Variants in FAM118A observed in about 807,000 individuals in gnomAD.
FAM118A encodes SIR2 antiphage like 2, also known as protein FAM118A.
In FAM118A, 25 loss-of-function variants were observed where a neutral mutation model predicts 38.2. That is an observed-to-expected ratio of 0.65 (90% confidence interval 0.48 to 0.91). The LOEUF (loss-of-function observed/expected upper bound fraction) is 0.91, where lower values mean the gene tolerates loss of function less well. Among genes scored for constraint, FAM118A ranks in the 40% least tolerant of loss-of-function variants. The pLI is 0.00. For missense variants in FAM118A, 425 were observed against 463.3 expected (o/e 0.92, Z 0.76); for synonymous variants, 178 against 184.1 (o/e 0.97, Z 0.27).
In FAM118A at chr22:45,336,335, ATGC is replaced by A; in HGVS notation, c.979_981del (p.Cys327del). On this transcript the variant is annotated inframe_deletion, in exon 8 of 9. Transcript: ENST00000441876. ...TAAATTCTTCTCTTTTAGGTAATGC[ATGC>A]CAGGACTGTGCAAAGAGGAAGTTAG... 1 of 1,612,538 alleles carries A rather than the reference ATGC, an allele frequency of 6.2e-7. No homozygotes were observed. Among genetic ancestry groups the A allele is most frequent in the Non-Finnish European group, 8.5e-7 (1 of 1,179,134 alleles).
At chr22:45,328,472 TTACTAATA>T in intron 4 of FAM118A, 1 of 867,280 alleles carries the variant, frequency 1.2e-6, no homozygotes, top group Non-Finnish European at 2.0e-6. Context: ...TAGCAGTGAA[TTACTAATA>T]AAGTAGCCAG....
At position 45,310,013 on chromosome 22, in the gene FAM118A, C is replaced by A. The variant is rs1282889956; in HGVS notation, c.-180C>A. 2 of 152,074 alleles carry A rather than the reference C, an allele frequency of 1.3e-5. No individual in the cohort carries two copies. Among genetic ancestry groups the A allele is most frequent in the Non-Finnish European group, 2.9e-5 (2 of 67,926 alleles). 9.4% of individuals were successfully genotyped at this position (152,074 alleles called of 1,614,324 possible). On this transcript the variant is annotated 5_prime_UTR_variant, in exon 1 of 9. Transcript: ENST00000441876. ...CCGCTCTGGCTCCGACTCCGGCTCT[C>A]GCTCTCGCTTCTAGCCCGCGTGCCT...
chr22:45,327,347 G>A (rs924766560), intron 3 of FAM118A, among the ~76,000 whole-genome samples: 5 of 151,630 alleles, frequency 3.3e-5, no homozygotes, highest in African/African-American at 7.3e-5. Flanking sequence ...ACTGTGCAGC[G>A]CTCAGGGAAA....
intron 7 of FAM118A, 74 bp from the exon 8 acceptor site, chr22:45,336,254 G>A: frequency 8.2e-7 from 1 of 1,213,114 alleles, no homozygotes; most frequent in Middle Eastern, 1.9e-4. Context: ...GCTTCAGTAA[G>A]GTCACATTAT....
Position 45,337,914 on chromosome 22 carries a change from G to T in FAM118A, c.1054+1503G>T, listed in dbSNP as rs184282499. ...ATTCCCCCGGACTCCACTGTCTGAA[G>T]ACCAGGTTTCCTATGAAGAGGGTCT... On this transcript the variant is annotated intron_variant, in intron 8 of 8. Transcript: ENST00000441876. The T allele has an allele frequency of 5.5e-5, 54 of 985,328 alleles. No homozygotes were observed. In the African/African-American group the frequency reaches 8.9e-4, roughly 16 times the overall value. The allele number at this position is 985,328 out of a possible 1,614,324, so 61.0% of individuals were successfully genotyped here.
intron 6 of FAM118A, among the ~76,000 whole-genome samples, chr22:45,334,233 G>A (rs2085929015): frequency 6.6e-6 from 1 of 152,122 alleles, no homozygotes; most frequent in Non-Finnish European, 1.5e-5. Context: ...TAATAGCTGC[G>A]AGTTTGGCAT....
chr22:45,324,460 C>G (rs964582079), intron 3 of FAM118A, among the ~76,000 whole-genome samples: 1 of 152,114 alleles, frequency 6.6e-6, no homozygotes, highest in Non-Finnish European at 1.5e-5. Context: ...TCACATACAC[C>G]GCTTCTGTTT....
At chr22:45,322,144 G>C in intron 1 of FAM118A, 1 of 1,474,022 alleles carries the variant, frequency 6.8e-7, no homozygotes, top group Non-Finnish European at 9.1e-7. Context: ...GTCCCGTGTA[G>C]AACAGCGAGA....
chr22:45,331,926 A>G (rs1225446132), intron 5 of FAM118A, among the ~76,000 whole-genome samples: 1 of 152,138 alleles, frequency 6.6e-6, no homozygotes. Flanking sequence ...CCTCATTCGC[A>G]AAACCACCCC....
chr22:45,329,387 G>A lies in FAM118A; in HGVS notation c.523-1216G>A, dbSNP rs188166958. 6.5e-4 allele frequency: 99 copies of A among 152,310 alleles called. 1 individual carries two copies. The highest frequency in any genetic ancestry group is 1.0e-3 in the Admixed American group (16 of 15,296). The allele number at this position is 152,310 out of a possible 1,614,324, so 9.4% of individuals were successfully genotyped here. ...TTCCTGTATCTTGCCAACACATGGTGTTATTAAGAAACAAAATGAAATACA... is the reference window on the plus strand; with the variant it reads ...TTCCTGTATCTTGCCAACACATGGTATTATTAAGAAACAAAATGAAATACA... On this transcript the variant is annotated intron_variant, in intron 4 of 8. Transcript: ENST00000441876.
Position 45,330,659 on chromosome 22 carries a change from C to T in FAM118A, c.579C>T (p.Leu193=). 3 of 1,604,058 alleles carry T rather than the reference C, an allele frequency of 1.9e-6. No homozygotes were observed. The highest frequency in any genetic ancestry group is 2.5e-6 in the Non-Finnish European group (3 of 1,176,608). Residue 193 remains leucine, a synonymous_variant, in exon 5 of 9, where the codon CTC becomes CTT. Coordinates refer to ENST00000441876, the MANE Select transcript of FAM118A (RefSeq NM_017911.4). Reference sequence around the variant, plus strand: ...ACGGCGTCCTCCACATTCACGGCCTCTACACGGACCCCTGCGGGGTGGTGC... The same window carrying T: ...ACGGCGTCCTCCACATTCACGGCCTTTACACGGACCCCTGCGGGGTGGTGC... ...MKYGVLHIHG[L]YTDPCGVVLD... is the part of the protein sequence containing the mutation.
At chr22:45,324,939 CAGG>C (rs920985011) in intron 3 of FAM118A, among the ~76,000 whole-genome samples, 16 of 152,182 alleles carry the variant, frequency 1.1e-4, no homozygotes, top group African/African-American at 3.9e-4. Context: ...CCCAGCTACT[CAGG>C]AGGCTGAGGC....
At chr22:45,326,157 G>A (rs1003942760) in intron 3 of FAM118A, among the ~76,000 whole-genome samples, 1 of 152,072 alleles carries the variant, frequency 6.6e-6, no homozygotes, top group African/African-American at 2.4e-5. Context: ...AGGGGACCCT[G>A]TGTCCTCCTG....
rs201701134 is a variant in FAM118A at position 45,323,179 on chromosome 22, T to G, written c.52T>G (p.Phe18Val). The change falls in exon 3 of 9, where the codon TTT becomes GTT. Residue 18 changes from phenylalanine (F) to valine (V), a missense_variant. Coordinates refer to ENST00000441876, the MANE Select transcript of FAM118A (RefSeq NM_017911.4). ...TNRSEQKSRK[F>V]LKSLIRKQPQ... ...TGCTCCCTTCTTTTCAAGTAGAAAG[T>G]TTTTAAAAAGCCTCATCCGGAAACA... 4.0e-5 allele frequency: 65 copies of G among 1,608,198 alleles called. No individual in the cohort carries two copies. The Middle Eastern group carries it at 1.2e-3, about 29-fold the overall frequency.
intron 6 of FAM118A, chr22:45,335,109 G>C: frequency 3.8e-6 from 2 of 521,346 alleles, no homozygotes; most frequent in Non-Finnish European, 3.4e-6. Flanking sequence ...AGTCATGCTA[G>C]TGATCGCGGA....
Position 45,336,771 on chromosome 22 carries a change from C to G in FAM118A, c.1054+360C>G, listed in dbSNP as rs117983297. On this transcript the variant is annotated intron_variant, in intron 8 of 8. Transcript: ENST00000441876. ...TCCGCATTTTTGCGAAGTGAACGCT[C>G]CCATCTAATCACACGCAGTTGAGGA... Among the ~76,000 whole-genome samples, 88 of 152,332 alleles carry G rather than the reference C, an allele frequency of 5.8e-4. No homozygotes were observed. In the East Asian group the frequency reaches 0.017, roughly 29 times the overall value.
intron 1 of FAM118A, among the ~76,000 whole-genome samples, chr22:45,310,871 G>A (rs1396555348): frequency 6.6e-6 from 1 of 152,062 alleles, no homozygotes; most frequent in African/African-American, 2.4e-5. Context: ...TAGGGCACAT[G>A]GGGACGCTTT....
intron 3 of FAM118A, among the ~76,000 whole-genome samples, chr22:45,327,381 C>T (rs948989413): frequency 2.6e-5 from 4 of 152,064 alleles, no homozygotes; most frequent in Admixed American, 2.6e-4. Context: ...CAGTGGTCCT[C>T]AAGGCCCAGG....
At position 45,340,462 on chromosome 22, in the gene FAM118A, AAACG is replaced by A. The variant is rs2086408148; in HGVS notation, c.*60_*63del. The A allele has an allele frequency of 6.3e-7, 1 of 1,591,208 alleles. No individual in the cohort carries two copies. Among genetic ancestry groups the A allele is most frequent in the African/African-American group, 1.3e-5 (1 of 74,628 alleles). Reference sequence around the variant, plus strand: ...CTAGCCTTCTGTAACCACAGTGCCCAAACGAAGAGGAATGTATGGAGAACTCCAC... The same window carrying A: ...CTAGCCTTCTGTAACCACAGTGCCCAAAGAGGAATGTATGGAGAACTCCAC... On this transcript the variant is annotated 3_prime_UTR_variant, in exon 9 of 9. Coordinates refer to ENST00000441876, the MANE Select transcript of FAM118A (RefSeq NM_017911.4).
Sources: allele counts gnomAD v4.1 joint callset (sites outside exome capture counted in the v4.1 genomes callset), GRCh38; gene constraint gnomAD v4.1.1; transcripts MANE v1.5; gene names NCBI Gene and HGNC (gene_info 2026-07-23, HGNC 2026-07-21).